The following DMRT1 variants were observed in gnomAD, a reference collection of about 807,000 sequenced individuals.
DMRT1 encodes doublesex and mab-3 related transcription factor 1, also known as doublesex- and mab-3-related transcription factor 1.
DMRT1 carries 7 observed loss-of-function variants against 32.3 expected under a neutral mutation model. That is an observed-to-expected ratio of 0.22 (90% CI 0.12 to 0.41). DMRT1 has a LOEUF of 0.41. Among genes scored for constraint, DMRT1 ranks in the 10% least tolerant of loss-of-function variants. DMRT1 has a pLI of 1.00. For synonymous variants in DMRT1, 278 were observed against 206.1 expected (o/e 1.35, Z -2.99); for missense variants, 625 against 500.5 (o/e 1.25, Z -2.37).
chr9:901,908 G>GC (rs1169843358), intron 3 of DMRT1, among the ~76,000 whole-genome samples: 2 of 114,106 alleles, frequency 1.8e-5, no homozygotes, highest in Non-Finnish European at 3.3e-5. Flanking sequence ...AGTGAAACTA[G>GC]CCCTTTTTTT....
At chr9:899,610 C>T (rs1466926829) in intron 3 of DMRT1, among the ~76,000 whole-genome samples, 2 of 152,202 alleles carry the variant, frequency 1.3e-5, no homozygotes, top group African/African-American at 2.4e-5. Flanking sequence ...GACACTGGAA[C>T]AAACTCACAA....
chr9:941,898 A>AT (rs1819086425), intron 4 of DMRT1, among the ~76,000 whole-genome samples: 1 of 152,168 alleles, frequency 6.6e-6, no homozygotes, highest in Non-Finnish European at 1.5e-5. Flanking sequence ...GTTATGAGGT[A>AT]TTGTCCTTTT....
chr9:967,748 AT>A (rs1819976551), intron 4 of DMRT1, among the ~76,000 whole-genome samples: 1 of 152,216 alleles, frequency 6.6e-6, no homozygotes, highest in South Asian at 2.1e-4. Context: ...GAACTCTGCT[AT>A]CTAGCTTACT....
At chr9:882,375 C>G (rs544727391) in intron 2 of DMRT1, among the ~76,000 whole-genome samples, 1 of 152,276 alleles carries the variant, frequency 6.6e-6, no homozygotes, top group Non-Finnish European at 1.5e-5. Context: ...TGCCTCGAAG[C>G]TCTTGTTGTG....
At chr9:851,690 T>G (rs546398033) in intron 2 of DMRT1, among the ~76,000 whole-genome samples, 116 of 152,310 alleles carry the variant, frequency 7.6e-4, no homozygotes, top group African/African-American at 2.6e-3. Context: ...ATGGTTTCAT[T>G]TGTTGGAGAA....
At chr9:933,974 G>A (rs1313405378) in intron 4 of DMRT1, among the ~76,000 whole-genome samples, 1 of 151,738 alleles carries the variant, frequency 6.6e-6, no homozygotes, top group Non-Finnish European at 1.5e-5. Context: ...TTGAGTGACT[G>A]CTAACAGAAT....
At chr9:898,727 T>TGA (rs1817464013) in intron 3 of DMRT1, among the ~76,000 whole-genome samples, 1 of 152,246 alleles carries the variant, frequency 6.6e-6, no homozygotes, top group African/African-American at 2.4e-5. Flanking sequence ...GGTTGGGTCT[T>TGA]CAACTACTTT....
chr9:893,938 C>A lies in DMRT1; in HGVS notation c.565C>A (p.Pro189Thr). Residue 189 changes from proline (P) to threonine (T), a missense_variant, in exon 3 of 5, where the codon CCT becomes ACT. This residue lies in a region of DMRT1 where 416 missense variants were observed against 321.6 expected (regional missense o/e 1.29). Transcript: ENST00000382276. ...SEGRMVIQDI[P>T]AVTSRGHVEN... ...GGGACGTATGGTCATCCAGGATATTCCTGCTGTCACCAGCAGAGGGCATGT... is the reference window on the plus strand; with the variant it reads ...GGGACGTATGGTCATCCAGGATATTACTGCTGTCACCAGCAGAGGGCATGT... The A allele has an allele frequency of 6.2e-7, 1 of 1,614,014 alleles. No homozygotes were observed. Among genetic ancestry groups the A allele is most frequent in the Non-Finnish European group, 8.5e-7 (1 of 1,179,904 alleles).
At chr9:874,189 A>G (rs78142073) in intron 2 of DMRT1, among the ~76,000 whole-genome samples, 2,015 of 152,328 alleles carry the variant, frequency 0.013, 18 homozygotes, top group Non-Finnish European at 0.023. Flanking sequence ...TGAGTCAACA[A>G]TACCTCTTGA....
At chr9:870,424 C>CAACAACAAT in intron 2 of DMRT1, among the ~76,000 whole-genome samples, 1 of 152,144 alleles carries the variant, frequency 6.6e-6, no homozygotes, top group East Asian at 1.9e-4. Flanking sequence ...ATAACAACAA[C>CAACAACAAT]AACATAGCTC....
chr9:857,673 C>A (rs62529791), intron 2 of DMRT1, among the ~76,000 whole-genome samples: 15,804 of 151,524 alleles, frequency 0.1, 1,003 homozygotes, highest in Middle Eastern at 0.22. Context: ...ATGTGCACAA[C>A]GTGCAGGTTA....
intron 2 of DMRT1, among the ~76,000 whole-genome samples, chr9:876,152 G>C (rs187800871): frequency 5.3e-4 from 80 of 152,290 alleles, no homozygotes; most frequent in Non-Finnish European, 9.8e-4. Context: ...GTTCCGAGTA[G>C]CTTGTGTATA....
intron 2 of DMRT1, among the ~76,000 whole-genome samples, chr9:887,376 G>A (rs1030256178): frequency 1.5e-4 from 23 of 152,062 alleles, no homozygotes. Context: ...ATTCTCTTAG[G>A]TCTGTTTTTT....
intron 2 of DMRT1, among the ~76,000 whole-genome samples, chr9:860,512 T>G (rs1434301435): frequency 6.6e-6 from 1 of 152,146 alleles, no homozygotes; most frequent in East Asian, 1.9e-4. Flanking sequence ...AAATGTTCAT[T>G]CTATGGCTGC....
intron 3 of DMRT1, among the ~76,000 whole-genome samples, chr9:911,425 T>C (rs1817976300): frequency 6.7e-6 from 1 of 150,356 alleles, no homozygotes; most frequent in Admixed American, 6.6e-5. Flanking sequence ...GGAAGTAATT[T>C]AGTTTGAAAT....
intron 1 of DMRT1, among the ~76,000 whole-genome samples, chr9:844,462 G>T (rs1047902899): frequency 6.6e-6 from 1 of 152,096 alleles, no homozygotes; most frequent in Non-Finnish European, 1.5e-5. Context: ...TCAGAGGTTT[G>T]CAGGGGTTTA....
intron 4 of DMRT1, among the ~76,000 whole-genome samples, chr9:929,521 G>A (rs1818637556): frequency 6.6e-6 from 1 of 151,944 alleles, no homozygotes; most frequent in African/African-American, 2.4e-5. Context: ...GTTTATCCTT[G>A]AACATATTAA....
chr9:951,039 C>A (rs1819411078), intron 4 of DMRT1, among the ~76,000 whole-genome samples: 1 of 152,082 alleles, frequency 6.6e-6, no homozygotes, highest in Admixed American at 6.6e-5. Flanking sequence ...TTTGCCTTTT[C>A]TCTCAATTTT....
chr9:919,572 T>G (rs1165175241), intron 4 of DMRT1, among the ~76,000 whole-genome samples: 1 of 152,218 alleles, frequency 6.6e-6, no homozygotes. Context: ...AGTCAGATCT[T>G]GCAGGTCTTT....
Sources: gnomAD v4.1 joint callset for allele counts (sites outside exome capture counted in the v4.1 genomes callset) on GRCh38, gnomAD v4.1.1 for gene constraint, gnomAD v4.1.1 regional missense constraint, MANE v1.5 for transcripts, NCBI Gene and HGNC (gene_info 2026-07-23, HGNC 2026-07-21) for gene names.